The following PDHX variants were observed in gnomAD, a reference collection of about 807,000 sequenced individuals.
The protein encoded by PDHX is pyruvate dehydrogenase complex component X, also known as pyruvate dehydrogenase protein X component, mitochondrial.
In PDHX, 33 loss-of-function variants were observed where a neutral mutation model predicts 55.3. The ratio of observed to expected loss-of-function variants is 0.60; its 90% CI spans 0.45 to 0.80. The LOEUF (loss-of-function observed/expected upper bound fraction) is 0.80. PDHX is among the 30% of genes least tolerant of loss of function. The pLI, the probability that PDHX is intolerant of heterozygous loss-of-function variation, is 0.00. For synonymous variants in PDHX, 226 were observed against 219.4 expected (o/e 1.03, Z -0.27); for missense variants, 622 against 619.9 (o/e 1.00, Z -0.04).
chr11:34,916,844 CTG>C, intron 1 of PDHX, 29 bp downstream of exon 1: 2 of 1,545,592 alleles, frequency 1.3e-6, no homozygotes, highest in Non-Finnish European at 8.8e-7. Flanking sequence ...CTCAGCTTCT[CTG>C]TGTAGCTGAG....
Position 34,916,763 on chromosome 11 carries a change from T to G in PDHX, c.108T>G (p.Ser36=), listed in dbSNP as rs1049307. The G allele has an allele frequency of 2.5e-6, 4 of 1,609,626 alleles. No individual in the cohort carries two copies. Among genetic ancestry groups the G allele is most frequent in the Non-Finnish European group, 3.4e-6 (4 of 1,178,168 alleles). ...VGLVKGALGW[S]VSRGANWRWF... is the part of the protein sequence containing the mutation. ...TGGTGAAGGGGGCTCTTGGGTGGTC[T>G]GTAAGCCGCGGAGCTAATTGGAGAT... The change falls in exon 1 of 11, where the codon TCT becomes TCG. Residue 36 remains serine, a synonymous_variant. Transcript: ENST00000227868.
chr11:34,988,695 A>G (rs1855701677), intron 9 of PDHX, among the ~76,000 whole-genome samples: 2 of 152,224 alleles, frequency 1.3e-5, no homozygotes, highest in African/African-American at 2.4e-5. Context: ...AAGGAGTACA[A>G]TCATTGGTTT....
intron 2 of PDHX, among the ~76,000 whole-genome samples, chr11:34,940,659 T>C (rs1248664272): frequency 6.6e-6 from 1 of 152,234 alleles, no homozygotes; most frequent in Non-Finnish European, 1.5e-5. Flanking sequence ...AATCCAGTTT[T>C]AGAACACATT....
rs540244542 is a variant in PDHX, at chr11:34,926,659, G to T, written c.161-4745G>T. 1.8e-3 allele frequency among the ~76,000 whole-genome samples: 146 copies of T among 83,418 alleles called. 1 individual carries two copies. Among genetic ancestry groups the T allele is most frequent in the African/African-American group, 6.7e-3 (140 of 20,984 alleles). 54.7% of individuals were successfully genotyped at this position (83,418 alleles called of 152,430 possible). A position where few individuals can be genotyped will look rare whatever the true frequency, so the allele number is the denominator to read the frequency against. On this transcript the variant is annotated intron_variant, in intron 1 of 10. Coordinates refer to ENST00000227868, the MANE Select transcript of PDHX (RefSeq NM_003477.3). The stretch of plus-strand genomic sequence containing the variant: ...TTCTGCATTTGTATTTTAAGAGTTT[G>T]CTTGTATTAAATTTTTTTTTTAATC...
At chr11:34,958,542 C>A (rs1854953640) in intron 4 of PDHX, among the ~76,000 whole-genome samples, 1 of 152,144 alleles carries the variant, frequency 6.6e-6, no homozygotes, top group Non-Finnish European at 1.5e-5. Flanking sequence ...ACTTCATGAT[C>A]CGCCTGCCTC....
At chr11:34,916,091 G>C (rs982080557), upstream of PDHX, 2 of 1,144,856 alleles carry the variant, frequency 1.7e-6, no homozygotes, top group African/African-American at 3.2e-5. Flanking sequence ...GGTGCGCCGG[G>C]GTAGCGAACG....
chr11:34,967,414 T>C (rs993073483), intron 6 of PDHX, among the ~76,000 whole-genome samples: 8 of 152,166 alleles, frequency 5.3e-5, no homozygotes, highest in Non-Finnish European at 8.8e-5. Context: ...GTAACATATA[T>C]ATTCTCTACA....
intron 10 of PDHX, among the ~76,000 whole-genome samples, chr11:34,992,727 C>G (rs893316756): frequency 6.6e-6 from 1 of 152,064 alleles, no homozygotes; most frequent in Non-Finnish European, 1.5e-5. Context: ...ATATAATATT[C>G]TATTGTATAA....
intron 5 of PDHX, among the ~76,000 whole-genome samples, chr11:34,966,004 G>T (rs1222723851): frequency 6.6e-6 from 1 of 151,968 alleles, no homozygotes; most frequent in Admixed American, 6.5e-5. Context: ...CCTCTTACAA[G>T]ACAAAAATAC....
intron 1 of PDHX, among the ~76,000 whole-genome samples, chr11:34,926,082 G>A (rs76841939): frequency 6.6e-6 from 1 of 152,176 alleles, no homozygotes; most frequent in East Asian, 1.9e-4. Flanking sequence ...GTGGTCCATT[G>A]ACATTTTCAG....
intron 3 of PDHX, among the ~76,000 whole-genome samples, chr11:34,954,258 A>G (rs1427244800): frequency 2.0e-5 from 3 of 152,240 alleles, no homozygotes; most frequent in Non-Finnish European, 4.4e-5. Flanking sequence ...ATTGATTTTA[A>G]TATCAGAATT....
chr11:34,977,721 G>A, intron 7 of PDHX: 2 of 456,072 alleles, frequency 4.4e-6, no homozygotes, highest in South Asian at 1.6e-5. Context: ...AAGGGTATTT[G>A]AAAAGAACGA....
intron 1 of PDHX, among the ~76,000 whole-genome samples, chr11:34,921,727 CAG>C (rs1302365683): frequency 6.6e-6 from 1 of 152,092 alleles, no homozygotes; most frequent in Non-Finnish European, 1.5e-5. Flanking sequence ...GAAAATAGGA[CAG>C]GGGTAAATGA....
intron 8 of PDHX, among the ~76,000 whole-genome samples, chr11:34,983,384 C>T (rs1046968869): frequency 6.6e-6 from 1 of 152,220 alleles, no homozygotes; most frequent in African/African-American, 2.4e-5. Context: ...TGCTCTCTCT[C>T]ACCACTCCTA....
intron 1 of PDHX, among the ~76,000 whole-genome samples, chr11:34,927,427 A>T (rs931240182): frequency 1.3e-5 from 2 of 152,072 alleles, no homozygotes; most frequent in African/African-American, 4.8e-5. Flanking sequence ...GTCTGCATAT[A>T]AGTTCAAATG....
Position 34,947,530 on chromosome 11 carries a change from C to T in PDHX, c.266C>T (p.Ala89Val). Reference sequence around the variant, plus strand: ...GGTGAAGCGGTGAGTGCTGGAGATGCATTATGTGAAATTGAGACTGACAAA... The same window carrying T: ...GGTGAAGCGGTGAGTGCTGGAGATGTATTATGTGAAATTGAGACTGACAAA... Reference protein sequence around the residue: ...KEGEAVSAGDALCEIETDKAV... With the variant: ...KEGEAVSAGDVLCEIETDKAV... The change falls in exon 3 of 11, where the codon GCA (alanine) becomes GTA (valine). Residue 89 changes from alanine (A) to valine (V), a missense_variant. Ala to Val is a moderately conservative substitution (Grantham distance 64). Coordinates refer to ENST00000227868, the MANE Select transcript of PDHX (RefSeq NM_003477.3). The T allele has an allele frequency of 6.2e-7, 1 of 1,613,048 alleles. No homozygotes were observed. Among genetic ancestry groups the T allele is most frequent in the Non-Finnish European group, 8.5e-7 (1 of 1,179,170 alleles).
At chr11:34,978,010 A>AT (rs780564609) in intron 7 of PDHX, 114 bp from the exon 8 acceptor site, 21 of 691,024 alleles carry the variant, frequency 3.0e-5, no homozygotes, top group South Asian at 1.2e-4. Context: ...AAAGCTTGTA[A>AT]TTTTTTATCA....
At chr11:34,923,521 G>C (rs1590727200) in intron 1 of PDHX, among the ~76,000 whole-genome samples, 1 of 152,046 alleles carries the variant, frequency 6.6e-6, no homozygotes, top group East Asian at 1.9e-4. Context: ...ACCTAGTCTA[G>C]AGACTATTTC....
intron 8 of PDHX, among the ~76,000 whole-genome samples, chr11:34,980,428 A>G (rs1855485743): frequency 7.2e-6 from 1 of 139,374 alleles, no homozygotes; most frequent in East Asian, 2.1e-4. Context: ...ATGGAAGGGG[A>G]CCCGAGTGGA....
Sources: allele counts gnomAD v4.1 joint callset (sites outside exome capture counted in the v4.1 genomes callset), GRCh38; gene constraint gnomAD v4.1.1; transcripts MANE v1.5; gene names NCBI Gene and HGNC (gene_info 2026-07-23, HGNC 2026-07-21).